The following LPP variants were observed in gnomAD, a reference collection of about 807,000 sequenced individuals.
The protein encoded by LPP is lipoma-preferred partner.
A neutral mutation model predicts 60.4 loss-of-function variants in LPP; 38 were observed. The ratio of observed to expected loss-of-function variants is 0.63; its 90% CI spans 0.49 to 0.83. LPP has a LOEUF of 0.83. Ranked by LOEUF, LPP falls within the 40% of genes least tolerant of loss-of-function variation. The pLI is 0.00. For missense variants in LPP, 902 were observed against 783.6 expected (o/e 1.15, Z -1.80); for synonymous variants, 328 against 290.8 (o/e 1.13, Z -1.30).
At chr3:188,506,754 G>A (rs969883233) in intron 5 of LPP, among the ~76,000 whole-genome samples, 9 of 152,152 alleles carry the variant, frequency 5.9e-5, no homozygotes, top group Admixed American at 2.6e-4. Context: ...CTGAAGGCAG[G>A]ATCACAACCC....
At chr3:188,490,037 A>C (rs1807848233) in intron 5 of LPP, among the ~76,000 whole-genome samples, 1 of 152,124 alleles carries the variant, frequency 6.6e-6, no homozygotes, top group Non-Finnish European at 1.5e-5. Context: ...ATTGGTGATT[A>C]CTTCAAATGT....
At chr3:188,370,022 G>A (rs922532568) in intron 3 of LPP, among the ~76,000 whole-genome samples, 2 of 152,096 alleles carry the variant, frequency 1.3e-5, no homozygotes, top group Non-Finnish European at 2.9e-5. Flanking sequence ...TCCACCTTCC[G>A]GATTCAAGCA....
At chr3:188,622,045 T>C (rs75765955) in intron 7 of LPP, among the ~76,000 whole-genome samples, 1 of 152,208 alleles carries the variant, frequency 6.6e-6, no homozygotes, top group Non-Finnish European at 1.5e-5. Context: ...GTTTTGTCTA[T>C]TTCTATTTCT....
At chr3:188,639,100 A>T (rs1407503044) in intron 7 of LPP, among the ~76,000 whole-genome samples, 1 of 152,100 alleles carries the variant, frequency 6.6e-6, no homozygotes, top group East Asian at 1.9e-4. Context: ...GCATCACGCT[A>T]CCTGACTTCA....
intron 9 of LPP, among the ~76,000 whole-genome samples, chr3:188,770,280 G>A (rs564725051): frequency 2.9e-5 from 4 of 140,044 alleles, no homozygotes; most frequent in South Asian, 4.8e-4. Context: ...CCGGGTTCAC[G>A]CCATTCTCCT....
At chr3:188,219,506 G>C (rs1458203015) in intron 1 of LPP, among the ~76,000 whole-genome samples, 3 of 152,140 alleles carry the variant, frequency 2.0e-5, no homozygotes, top group African/African-American at 7.2e-5. Flanking sequence ...GGACCCAAGG[G>C]CGCATTATTC....
intron 9 of LPP, among the ~76,000 whole-genome samples, chr3:188,796,915 G>C (rs540628646): frequency 6.6e-6 from 1 of 152,098 alleles, no homozygotes; most frequent in South Asian, 2.1e-4. Flanking sequence ...CCTTCTGATT[G>C]AACCAGATAT....
intron 8 of LPP, among the ~76,000 whole-genome samples, chr3:188,738,147 A>C (rs1184138596): frequency 1.3e-5 from 2 of 152,046 alleles, no homozygotes; most frequent in Non-Finnish European, 2.9e-5. Context: ...CCATCCCCTG[A>C]CCTGTCATTA....
Position 188,225,500 on chromosome 3 carries a change from T to A in LPP, c.-94T>A, listed in dbSNP as rs1717395872. The A allele has an allele frequency of 1.3e-5, 2 of 152,192 alleles. No individual in the cohort carries two copies. Among genetic ancestry groups the A allele is most frequent in the East Asian group, 1.9e-4 (1 of 5,200 alleles). 9.4% of individuals were successfully genotyped at this position (152,192 alleles called of 1,614,324 possible). A position where few individuals can be genotyped will look rare whatever the true frequency, so the allele number is the denominator to read the frequency against. On this transcript the variant is annotated 5_prime_UTR_variant, in exon 2 of 12. Transcript: ENST00000617246. The stretch of plus-strand genomic sequence containing the variant: ...TTTTCATTGTTCCACTGGACGCTCA[T>A]CAGAGGGAAGATCTTTTTCCTCAAT...
intron 9 of LPP, among the ~76,000 whole-genome samples, chr3:188,779,698 C>T (rs1739020048): frequency 6.6e-6 from 1 of 151,832 alleles, no homozygotes; most frequent in Admixed American, 6.6e-5. Flanking sequence ...TACTAGCTCT[C>T]AAGGCAGCTT....
chr3:188,715,703 G>A (rs1048673706), intron 8 of LPP, among the ~76,000 whole-genome samples: 1 of 152,180 alleles, frequency 6.6e-6, no homozygotes, highest in Admixed American at 6.5e-5. Context: ...ACAGCCTTAA[G>A]TAATACACCC....
chr3:188,499,309 T>C (rs1251285020), intron 5 of LPP, among the ~76,000 whole-genome samples: 1 of 152,220 alleles, frequency 6.6e-6, no homozygotes, highest in Non-Finnish European at 1.5e-5. Flanking sequence ...TTTATAATTA[T>C]GCTAGGAAAG....
chr3:188,373,647 T>C (rs1281865576), intron 3 of LPP, among the ~76,000 whole-genome samples: 2 of 152,014 alleles, frequency 1.3e-5, no homozygotes, highest in African/African-American at 4.8e-5. Context: ...TTTTCTCCCA[T>C]TCTGTAGGTT....
intron 7 of LPP, among the ~76,000 whole-genome samples, chr3:188,637,326 G>A (rs148183831): frequency 6.6e-6 from 1 of 152,024 alleles, no homozygotes. Context: ...GAGAACAAAG[G>A]CACAACATAC....
At chr3:188,566,065 T>C (rs542720639) in intron 6 of LPP, among the ~76,000 whole-genome samples, 6 of 152,124 alleles carry the variant, frequency 3.9e-5, no homozygotes, top group Admixed American at 3.9e-4. Flanking sequence ...TTTCATATGA[T>C]AGGAAAAGGA....
chr3:188,813,322 T>C (rs1751593715), intron 9 of LPP, among the ~76,000 whole-genome samples: 3 of 152,238 alleles, frequency 2.0e-5, no homozygotes, highest in Admixed American at 2.0e-4. Flanking sequence ...TATTATTTGA[T>C]GTATGCTTTA....
At chr3:188,484,557 T>G in intron 4 of LPP, 35 bp from the exon 5 acceptor site, 1 of 1,454,248 alleles carries the variant, frequency 6.9e-7, no homozygotes, top group Non-Finnish European at 9.6e-7. Flanking sequence ...CGTTGCATCC[T>G]TATTAACTTC....
chr3:188,260,071 A>C (rs1186446682), intron 2 of LPP, among the ~76,000 whole-genome samples: 6 of 152,084 alleles, frequency 3.9e-5, no homozygotes, highest in Non-Finnish European at 5.9e-5. Context: ...TTTTTAAGGC[A>C]GAGTCTCTTT....
At chr3:188,745,916 C>T (rs190410882) in intron 8 of LPP, among the ~76,000 whole-genome samples, 54 of 152,206 alleles carry the variant, frequency 3.5e-4, no homozygotes, top group Non-Finnish European at 5.4e-4. Context: ...ATGCCCTTTC[C>T]GAGGTTACAC....
Sources: allele counts gnomAD v4.1 joint callset (sites outside exome capture counted in the v4.1 genomes callset), GRCh38; gene constraint gnomAD v4.1.1; transcripts MANE v1.5; gene names NCBI Gene and HGNC (gene_info 2026-07-23, HGNC 2026-07-21).